MYH1: variants seen among roughly 807,000 people sequenced by gnomAD.
MYH1 encodes the protein myosin-1.
A neutral mutation model predicts 225.6 loss-of-function variants in MYH1; 214 were observed. The ratio of observed to expected loss-of-function variants is 0.95; its 90% CI spans 0.85 to 1.06. The LOEUF (loss-of-function observed/expected upper bound fraction) is 1.06. MYH1 is among the 50% of genes least tolerant of loss of function. The probability of loss-of-function intolerance (pLI) is 0.00; values close to 1 mark genes in which losing one functional copy is unlikely to be tolerated. For synonymous variants in MYH1, 774 were observed against 842.3 expected (o/e 0.92, Z 1.40); for missense variants, 2,098 against 2,344.2 (o/e 0.89, Z 2.17).
chr17:10,507,758 C>A (rs2073127510), intron 17 of MYH1, 128 bp downstream of exon 17: 1 of 782,946 alleles, frequency 1.3e-6, no homozygotes, highest in South Asian at 1.8e-5. Context: ...AGTCTTACCA[C>A]TACCAGCTGA....
chr17:10,507,798 A>G, intron 17 of MYH1, 88 bp downstream of exon 17: 1 of 1,100,048 alleles, frequency 9.1e-7, no homozygotes, highest in Non-Finnish European at 1.4e-6. Flanking sequence ...TCAGTTCTAG[A>G]ATCCTTGCAA....
chr17:10,498,777 A>G lies in MYH1; in HGVS notation c.4030T>C (p.Cys1344Arg). 2 of 1,614,226 alleles carry G rather than the reference A, an allele frequency of 1.2e-6. No individual in the cohort carries two copies. The highest frequency in any genetic ancestry group is 2.2e-5 in the South Asian group (2 of 91,086). Residue 1344 changes from cysteine to arginine, a missense_variant, in exon 30 of 40, where the codon TGT (cysteine) becomes CGT (arginine). By Grantham distance (180) the Cys-to-Arg change is radical. Transcript: ENST00000226207. The part of the protein sequence containing the change: ...AHALQSSRHD[C>R]DLLREQYEEE... ...TCATACTGTTCCCGCAGCAGGTCACAGTCATGGCGGGAGGACTGCAGGGCA... is the reference window on the plus strand; with the variant it reads ...TCATACTGTTCCCGCAGCAGGTCACGGTCATGGCGGGAGGACTGCAGGGCA...
intron 2 of MYH1, among the ~76,000 whole-genome samples, chr17:10,517,728 G>A (rs570411592): frequency 9.9e-5 from 15 of 151,810 alleles, no homozygotes; most frequent in Middle Eastern, 3.4e-3. Flanking sequence ...GTGTGTGTGT[G>A]TATATATTCG....
Position 10,505,156 on chromosome 17 carries a change from T to C in MYH1, c.2435+7A>G, listed in dbSNP as rs1159794113. The C allele has an allele frequency of 1.9e-6, 3 of 1,613,904 alleles. No individual in the cohort carries two copies. Among genetic ancestry groups the C allele is most frequent in the African/African-American group, 1.3e-5 (1 of 74,906 alleles). On this transcript the variant is annotated splice_region_variant and intron_variant, in intron 21 of 39. Coordinates refer to ENST00000226207, the MANE Select transcript of MYH1 (RefSeq NM_005963.4). The stretch of plus-strand genomic sequence containing the variant: ...GATGAGGTTAAGTAAAGAATTCTTA[T>C]TAATACCTTCTTTCCACCATTTTCT...
intron 19 of MYH1, 58 bp from the exon 20 acceptor site, chr17:10,505,569 G>T: frequency 6.3e-7 from 1 of 1,590,986 alleles, no homozygotes; most frequent in Non-Finnish European, 8.6e-7. Context: ...AAATCTTCCT[G>T]TCTGGCTATA....
At position 10,509,786 on chromosome 17, in the gene MYH1, T is replaced by C. The variant is rs76237552; in HGVS notation, c.1417-131A>G. Reference sequence around the variant, plus strand: ...TTTTGTCCTACCTATACCTACACAATGAAGTTTTTGCTGCTGTTAGCATAC... The same window carrying C: ...TTTTGTCCTACCTATACCTACACAACGAAGTTTTTGCTGCTGTTAGCATAC... On this transcript the variant is annotated intron_variant, in intron 14 of 39. Transcript: ENST00000226207. The C allele has an allele frequency of 2.7e-5, 40 of 1,494,974 alleles. No individual in the cohort carries two copies. The East Asian group carries it at 5.5e-4, about 20-fold the overall frequency. The allele number at this position is 1,494,974 out of a possible 1,614,324, so 92.6% of individuals were successfully genotyped here.
Position 10,494,981 on chromosome 17 carries a change from G to T in MYH1, c.5416C>A (p.Gln1806Lys), listed in dbSNP as rs140873918. 8.2e-5 allele frequency: 133 copies of T among 1,614,174 alleles called. No homozygotes were observed. The East Asian group carries it at 2.6e-3, about 31-fold the overall frequency. ...TTCTTCCCACCCTTCAGGGCCAGCTGCTCAGCCTCATCCAGACGATGCTGC... is the reference window on the plus strand; with the variant it reads ...TTCTTCCCACCCTTCAGGGCCAGCTTCTCAGCCTCATCCAGACGATGCTGC... ...DLQHRLDEAE[Q>K]LALKGGKKQI... is the part of the protein sequence containing the mutation. Residue 1806 changes from glutamine to lysine, a missense_variant, in exon 37 of 40, where the codon CAG becomes AAG. Coordinates refer to ENST00000226207, the MANE Select transcript of MYH1 (RefSeq NM_005963.4).
chr17:10,493,987 G>A (rs2072961135), intron 39 of MYH1, among the ~76,000 whole-genome samples: 1 of 152,146 alleles, frequency 6.6e-6, no homozygotes, highest in Admixed American at 6.5e-5. Context: ...ATCAGGTAGT[G>A]ACTGACCCAC....
intron 5 of MYH1, among the ~76,000 whole-genome samples, chr17:10,515,176 T>G (rs1002837508): frequency 1.3e-5 from 2 of 152,256 alleles, no homozygotes; most frequent in African/African-American, 4.8e-5. Context: ...GCTTGGACTA[T>G]TATTTAATAG....
At position 10,507,901 on chromosome 17, in the gene MYH1, C is replaced by T. The variant is rs934710802; in HGVS notation, c.1953G>A (p.Val651=). Reference sequence around the variant, plus strand: ...AAGTTTGTACCCTGAAGAGAGCAGACACAGTCTGGAAAGAAGAACCCTTCT... The same window carrying T: ...AAGTTTGTACCCTGAAGAGAGCAGATACAGTCTGGAAAGAAGAACCCTTCT... ...GKKKGSSFQT[V]SALFRENLNK... is the part of the protein sequence containing the mutation. Residue 651 remains valine, a synonymous_variant, in exon 17 of 40, where the codon GTG becomes GTA. Coordinates refer to ENST00000226207, the MANE Select transcript of MYH1 (RefSeq NM_005963.4). 1.2e-6 allele frequency: 2 copies of T among 1,613,424 alleles called. No individual in the cohort carries two copies. The highest frequency in any genetic ancestry group is 2.2e-5 in the South Asian group (2 of 91,042).
At chr17:10,507,139 T>C (rs2320951) in intron 17 of MYH1, among the ~76,000 whole-genome samples, 68,148 of 151,904 alleles carry the variant, frequency 0.45, 15,959 homozygotes, top group East Asian at 0.86. Context: ...TCTCAGCTCA[T>C]GGCAACCTCT....
chr17:10,506,739 C>T (rs1248089111), intron 17 of MYH1, among the ~76,000 whole-genome samples: 3 of 151,900 alleles, frequency 2.0e-5, no homozygotes, highest in East Asian at 1.9e-4. Flanking sequence ...GTGATCCACC[C>T]GCCTTAGCCT....
Position 10,501,287 on chromosome 17 carries a change from T to C in MYH1, c.3561A>G (p.Leu1187=), listed in dbSNP as rs1389414886. 2 of 1,614,092 alleles carry C rather than the reference T, an allele frequency of 1.2e-6. No homozygotes were observed. Among genetic ancestry groups the C allele is most frequent in the African/African-American group, 1.3e-5 (1 of 74,938 alleles). ...GGGTGGCCGCCGTGGCTTCATGCTG[T>C]AGGGTGGCCTCCTCCAGGTCCCTGC... ...KMRRDLEEAT[L]QHEATAATLR... The change falls in exon 27 of 40, where the codon CTA becomes CTG. Residue 1187 remains leucine (L), a synonymous_variant. Transcript: ENST00000226207.
chr17:10,497,788 C>G lies in MYH1; in HGVS notation c.4311G>C (p.Glu1437Asp), dbSNP rs1474672169. The G allele has an allele frequency of 1.2e-6, 2 of 1,614,060 alleles. No individual in the cohort carries two copies. The highest frequency in any genetic ancestry group is 2.7e-5 in the African/African-American group (2 of 74,916). The change falls in exon 31 of 40, where the codon GAG (glutamate) becomes GAC (aspartate). Residue 1437 changes from glutamate to aspartate, a missense_variant. Glu to Asp is a conservative substitution (Grantham distance 45). Coordinates refer to ENST00000226207, the MANE Select transcript of MYH1 (RefSeq NM_005963.4). ...NEVEDLMIDV[E>D]RTNAACAALD... ...GGGCGGCACAGGCAGCATTTGTCCT[C>G]TCAACATCAATCATGAGGTCCTCAA... is the stretch of plus-strand genomic sequence containing the variant.
chr17:10,499,629 A>T (rs1413902991), intron 28 of MYH1, among the ~76,000 whole-genome samples: 1 of 152,222 alleles, frequency 6.6e-6, no homozygotes, highest in Non-Finnish European at 1.5e-5. Flanking sequence ...TACTTTCCAA[A>T]CTAAATGGCA....
intron 14 of MYH1, among the ~76,000 whole-genome samples, chr17:10,511,042 G>C (rs1470553630): frequency 6.6e-6 from 1 of 150,940 alleles, no homozygotes; most frequent in South Asian, 2.1e-4. Context: ...TTCTGTTCCT[G>C]CTTGATGACA....
rs2073173729 is a variant in MYH1 at position 10,511,951 on chromosome 17, T to C, written c.1304A>G (p.Tyr435Cys). 1 of 1,614,072 alleles carries C rather than the reference T, an allele frequency of 6.2e-7. No individual in the cohort carries two copies. Among genetic ancestry groups the C allele is most frequent in the South Asian group, 1.1e-5 (1 of 91,090 alleles). Residue 435 changes from tyrosine (Y) to cysteine (C), a missense_variant, in exon 14 of 40, where the codon TAC (tyrosine) becomes TGC (cysteine). Coordinates refer to ENST00000226207, the MANE Select transcript of MYH1 (RefSeq NM_005963.4). ...NAVGALAKAV[Y>C]DKMFLWMVTR... ...GACCATCCACAAGAACATCTTATCG[T>C]AGACAGCTTTGGCCAGAGCACCCAC...
Position 10,516,438 on chromosome 17 carries a change from C to A in MYH1, c.204+1G>T. 1.2e-6 allele frequency: 2 copies of A among 1,614,246 alleles called. No individual in the cohort carries two copies. The highest frequency in any genetic ancestry group is 1.3e-5 in the African/African-American group (1 of 75,052). On this transcript the variant is annotated splice_donor_variant, in intron 3 of 39. Coordinates refer to ENST00000226207, the MANE Select transcript of MYH1 (RefSeq NM_005963.4). LOFTEE classifies it high-confidence loss of function. ...AATCAGCTCCAGGTGTTTTTACTCACAGCTCCAGCTTCGGTCTTAGCTGTC... is the reference window on the plus strand; with the variant it reads ...AATCAGCTCCAGGTGTTTTTACTCAAAGCTCCAGCTTCGGTCTTAGCTGTC...
At position 10,504,788 on chromosome 17, in the gene MYH1, G is replaced by A. The variant is rs771069718; in HGVS notation, c.2691+22C>T. ...CTGAAGTTTTAGCATCAGATTGCAG[G>A]AAATGACTTCGGGATACTCACAGCT... is the stretch of plus-strand genomic sequence containing the variant. On this transcript the variant is annotated intron_variant, in intron 22 of 39. Coordinates refer to ENST00000226207, the MANE Select transcript of MYH1 (RefSeq NM_005963.4). The A allele has an allele frequency of 1.6e-5, 26 of 1,612,292 alleles. No individual in the cohort carries two copies. The East Asian group carries it at 5.8e-4, about 36-fold the overall frequency.
Sources: allele counts gnomAD v4.1 joint callset (sites outside exome capture counted in the v4.1 genomes callset), GRCh38; gene constraint gnomAD v4.1.1; transcripts MANE v1.5; gene names NCBI Gene and HGNC (gene_info 2026-07-23, HGNC 2026-07-21).